Variants in CDK14 observed in about 807,000 individuals in gnomAD.
CDK14 encodes cyclin-dependent kinase 14.
A neutral mutation model predicts 60.7 loss-of-function variants in CDK14; 34 were observed. That is an observed-to-expected ratio of 0.56 (90% CI 0.43 to 0.75). CDK14 has a LOEUF of 0.75. Among genes scored for constraint, CDK14 ranks in the 30% least tolerant of loss-of-function variants. The pLI, the probability that CDK14 is intolerant of heterozygous loss-of-function variation, is 0.00. For missense variants in CDK14, 482 were observed against 564.1 expected (o/e 0.85, Z 1.47); for synonymous variants, 197 against 203.7 (o/e 0.97, Z 0.28).
chr7:90,750,789 C>G (rs1012724991), intron 4 of CDK14, among the ~76,000 whole-genome samples: 5 of 151,928 alleles, frequency 3.3e-5, no homozygotes, highest in Admixed American at 3.3e-4. Flanking sequence ...ATGAGAATAG[C>G]TTGAACCTGC....
chr7:90,966,832 A>C (rs1393479331), intron 9 of CDK14, among the ~76,000 whole-genome samples: 1 of 152,114 alleles, frequency 6.6e-6, no homozygotes, highest in Non-Finnish European at 1.5e-5. Context: ...AAATAATCTG[A>C]CTATAACTTG....
intron 8 of CDK14, among the ~76,000 whole-genome samples, chr7:90,947,767 A>G (rs1418439760): frequency 2.0e-5 from 3 of 152,192 alleles, no homozygotes; most frequent in Non-Finnish European, 4.4e-5. Flanking sequence ...AGCCTCCCAT[A>G]CAAACACTCA....
intron 13 of CDK14, among the ~76,000 whole-genome samples, chr7:91,114,651 A>G (rs757323998): frequency 6.6e-6 from 1 of 152,200 alleles, no homozygotes; most frequent in Non-Finnish European, 1.5e-5. Context: ...GGGGAGAATA[A>G]AGATGAAAAA....
chr7:91,116,711 A>G (rs1407715304), intron 13 of CDK14, among the ~76,000 whole-genome samples: 1 of 152,014 alleles, frequency 6.6e-6, no homozygotes, highest in African/African-American at 2.4e-5. Flanking sequence ...GTCTCTATCC[A>G]TTGGTCTTTT....
At chr7:91,062,070 T>C (rs1240353182) in intron 11 of CDK14, among the ~76,000 whole-genome samples, 2 of 152,204 alleles carry the variant, frequency 1.3e-5, no homozygotes, top group Admixed American at 1.3e-4. Flanking sequence ...TCCTGGCTGC[T>C]TTGTTTACCT....
chr7:91,042,786 A>G (rs1298189855), intron 10 of CDK14, among the ~76,000 whole-genome samples: 1 of 152,180 alleles, frequency 6.6e-6, no homozygotes, highest in African/African-American at 2.4e-5. Context: ...TTTAGAAAAC[A>G]TTCTTTTTCT....
chr7:91,000,340 T>A (rs1044526263), intron 10 of CDK14, among the ~76,000 whole-genome samples: 3 of 152,212 alleles, frequency 2.0e-5, no homozygotes, highest in African/African-American at 7.2e-5. Context: ...GCTCAATATT[T>A]TGCCATCTCT....
At chr7:90,786,977 T>C (rs887752197) in intron 4 of CDK14, among the ~76,000 whole-genome samples, 3 of 149,880 alleles carry the variant, frequency 2.0e-5, no homozygotes, top group African/African-American at 7.4e-5. Flanking sequence ...AAAGGTAGAC[T>C]ATTAAAAAAT....
At chr7:91,001,529 T>A (rs1795833726) in intron 10 of CDK14, among the ~76,000 whole-genome samples, 1 of 152,234 alleles carries the variant, frequency 6.6e-6, no homozygotes, top group Admixed American at 6.5e-5. Flanking sequence ...ATATGAAGCT[T>A]CCTTCAATAG....
At chr7:90,829,063 C>T (rs886831912) in intron 5 of CDK14, among the ~76,000 whole-genome samples, 12 of 152,080 alleles carry the variant, frequency 7.9e-5, no homozygotes, top group Admixed American at 3.3e-4. Context: ...GAGAGTGAAG[C>T]GGGAAGTGCC....
At chr7:90,861,792 T>A (rs1214528562) in intron 5 of CDK14, among the ~76,000 whole-genome samples, 1 of 152,146 alleles carries the variant, frequency 6.6e-6, no homozygotes, top group Non-Finnish European at 1.5e-5. Flanking sequence ...GACTCTCAGA[T>A]TAGGAACCAG....
intron 4 of CDK14, among the ~76,000 whole-genome samples, chr7:90,773,843 CCTCCTCTCCTCTCCTCTCCTCTCCT>C (rs530779137): frequency 5.0e-4 from 39 of 78,660 alleles, no homozygotes; most frequent in Admixed American, 1.4e-3. Flanking sequence ...TCTTCTCTTC[CCTCCTCTCCTCTCCTCTCCTCTCCT>C]CTCCTCTCCT....
intron 14 of CDK14, among the ~76,000 whole-genome samples, chr7:91,174,130 C>T (rs2115823935): frequency 1.3e-5 from 2 of 151,770 alleles, no homozygotes; most frequent in Middle Eastern, 6.8e-3. Flanking sequence ...AGACTGCCTC[C>T]TCAAGTGGGT....
intron 2 of CDK14, among the ~76,000 whole-genome samples, chr7:90,694,651 T>C (rs759109563): frequency 7.9e-5 from 12 of 152,230 alleles, no homozygotes; most frequent in Non-Finnish European, 1.6e-4. Context: ...CAATGTAGTA[T>C]TAACATTTAA....
At chr7:90,654,570 C>T (rs1488093364) in intron 2 of CDK14, among the ~76,000 whole-genome samples, 1 of 152,148 alleles carries the variant, frequency 6.6e-6, no homozygotes, top group Admixed American at 6.5e-5. Context: ...CGTAAGAACT[C>T]TCCATCAGAT....
intron 3 of CDK14, among the ~76,000 whole-genome samples, chr7:90,738,749 A>G (rs1269325573): frequency 1.3e-5 from 2 of 152,152 alleles, no homozygotes; most frequent in Non-Finnish European, 2.9e-5. Context: ...CCTGACATCA[A>G]AAAGCCAAAG....
At chr7:90,852,497 G>A (rs1790678798) in intron 5 of CDK14, among the ~76,000 whole-genome samples, 1 of 47,108 alleles carries the variant, frequency 2.1e-5, no homozygotes, top group Admixed American at 2.2e-4. Flanking sequence ...AAGCAGAAAA[G>A]TTAAACAGTT....
intron 5 of CDK14, among the ~76,000 whole-genome samples, chr7:90,803,716 C>A (rs1367569518): frequency 6.6e-6 from 1 of 152,100 alleles, no homozygotes; most frequent in African/African-American, 2.4e-5. Flanking sequence ...AAATTGAGAA[C>A]TTTACAAGTC....
At chr7:90,623,506 A>C (rs1799816566) in intron 2 of CDK14, among the ~76,000 whole-genome samples, 1 of 152,240 alleles carries the variant, frequency 6.6e-6, no homozygotes, top group Non-Finnish European at 1.5e-5. Context: ...CACAACTGAA[A>C]AGGAAAACCT....
Sources: gnomAD v4.1 joint callset for allele counts (sites outside exome capture counted in the v4.1 genomes callset) on GRCh38, gnomAD v4.1.1 for gene constraint, MANE v1.5 for transcripts, NCBI Gene and HGNC (gene_info 2026-07-23, HGNC 2026-07-21) for gene names.